The following NRG1 variants were observed in gnomAD, a reference collection of about 807,000 sequenced individuals.
The protein encoded by NRG1 is pro-neuregulin-1, membrane-bound isoform.
NRG1 carries 18 observed loss-of-function variants against 63.8 expected under a neutral mutation model. That is an observed-to-expected ratio of 0.28 (90% CI 0.19 to 0.42). The LOEUF (loss-of-function observed/expected upper bound fraction) is 0.42, where lower values mean the gene tolerates loss of function less well. Among genes scored for constraint, NRG1 ranks in the 10% least tolerant of loss-of-function variants. The pLI is 1.00. For missense variants in NRG1, 762 were observed against 814.7 expected (o/e 0.94, Z 0.79); for synonymous variants, 302 against 301.3 (o/e 1.00, Z -0.02).
intron 1 of NRG1, among the ~76,000 whole-genome samples, chr8:31,779,532 C>G (rs1819477848): frequency 6.6e-6 from 1 of 151,980 alleles, no homozygotes; most frequent in African/African-American, 2.4e-5. Context: ...GTTATTGAGC[C>G]AAAATTTCCA....
intron 1 of NRG1, among the ~76,000 whole-genome samples, chr8:31,838,378 A>G (rs1190808982): frequency 2.0e-5 from 3 of 151,954 alleles, no homozygotes; most frequent in Non-Finnish European, 4.4e-5. Flanking sequence ...TTGAAGAACT[A>G]TTCTCTCATT....
Position 32,112,740 on chromosome 8 carries a change from A to G in NRG1, c.37+473309A>G, listed in dbSNP as rs533395666. ...GTGGAGAATATGAGTGCCTCCCTCTATAAACTGGAGAAGATTTACCTGCAC... is the reference window on the plus strand; with the variant it reads ...GTGGAGAATATGAGTGCCTCCCTCTGTAAACTGGAGAAGATTTACCTGCAC... On this transcript the variant is annotated intron_variant, in intron 1 of 10. Transcript: ENST00000519301. Among the ~76,000 whole-genome samples the G allele has an allele frequency of 4.6e-5, 7 of 152,264 alleles. No individual in the cohort carries two copies. The South Asian group carries it at 1.5e-3, about 32-fold the overall frequency.
intron 1 of NRG1, among the ~76,000 whole-genome samples, chr8:32,567,838 A>G (rs977227490): frequency 2.2e-4 from 34 of 152,186 alleles, no homozygotes; most frequent in Non-Finnish European, 3.1e-4. Flanking sequence ...TCAATTGAAG[A>G]AATTGTTTTT....
At chr8:32,695,791 T>C (rs1189037476) in intron 5 of NRG1, among the ~76,000 whole-genome samples, 1 of 152,138 alleles carries the variant, frequency 6.6e-6, no homozygotes, top group Non-Finnish European at 1.5e-5. Flanking sequence ...CAAATGAGAG[T>C]ATTTAAAGAA....
intron 1 of NRG1, among the ~76,000 whole-genome samples, chr8:32,294,763 T>C (rs1353047527): frequency 6.6e-6 from 1 of 151,850 alleles, no homozygotes; most frequent in Non-Finnish European, 1.5e-5. Context: ...TTCTATTTCT[T>C]TGTAGATTTC....
intron 1 of NRG1, among the ~76,000 whole-genome samples, chr8:32,383,059 T>TA (rs56030067): frequency 0.015 from 1,888 of 126,462 alleles, 25 homozygotes; most frequent in Admixed American, 0.041. Flanking sequence ...TCGTCCCTAC[T>TA]AAAAAAAAAA....
At chr8:31,947,224 C>T (rs327362) in intron 1 of NRG1, among the ~76,000 whole-genome samples, 127,115 of 149,870 alleles carry the variant, frequency 0.85, 54,529 homozygotes, top group Non-Finnish European at 0.91. Flanking sequence ...GGCGTGAACC[C>T]GGGAAGCGGA....
At chr8:31,942,478 C>T (rs1801895918) in intron 1 of NRG1, among the ~76,000 whole-genome samples, 1 of 151,962 alleles carries the variant, frequency 6.6e-6, no homozygotes, top group Non-Finnish European at 1.5e-5. Flanking sequence ...TTGACTTAGG[C>T]AAAGACTTAA....
At chr8:32,337,970 AT>A (rs1803542183) in intron 1 of NRG1, among the ~76,000 whole-genome samples, 1 of 152,178 alleles carries the variant, frequency 6.6e-6, no homozygotes. Flanking sequence ...TTATACTTTA[AT>A]TATTTCTTTT....
At chr8:32,051,525 C>T (rs1440357543) in intron 1 of NRG1, among the ~76,000 whole-genome samples, 1 of 152,146 alleles carries the variant, frequency 6.6e-6, no homozygotes, top group Non-Finnish European at 1.5e-5. Flanking sequence ...AAAGGAGGGA[C>T]ATCTAACTCC....
chr8:32,054,749 A>C (rs1822563468), intron 1 of NRG1, among the ~76,000 whole-genome samples: 1 of 152,020 alleles, frequency 6.6e-6, no homozygotes, highest in South Asian at 2.1e-4. Context: ...AGTGTCACCA[A>C]CCCAGAGGCT....
chr8:32,771,739 T>C (rs1044634259), downstream of NRG1, among the ~76,000 whole-genome samples: 74 of 142,068 alleles, frequency 5.2e-4, no homozygotes, highest in African/African-American at 1.8e-3. Flanking sequence ...TATATATATA[T>C]AGGCCTGGCA....
chr8:32,288,243 T>C (rs921273385), intron 1 of NRG1, among the ~76,000 whole-genome samples: 3 of 152,156 alleles, frequency 2.0e-5, no homozygotes, highest in African/African-American at 4.8e-5. Context: ...TAAGAGTGAT[T>C]AGCAAGTTTA....
At chr8:32,383,803 T>G (rs932590532) in intron 1 of NRG1, among the ~76,000 whole-genome samples, 1 of 152,228 alleles carries the variant, frequency 6.6e-6, no homozygotes, top group Non-Finnish European at 1.5e-5. Flanking sequence ...AGATTCCAGG[T>G]TAGATGTCAG....
chr8:31,742,917 G>A (rs1029988045), intron 1 of NRG1, among the ~76,000 whole-genome samples: 2 of 151,928 alleles, frequency 1.3e-5, no homozygotes, highest in African/African-American at 4.8e-5. Context: ...GTAATGAGCT[G>A]GCAAGTGTTG....
At chr8:31,957,354 G>T (rs1398404048) in intron 1 of NRG1, among the ~76,000 whole-genome samples, 2 of 152,016 alleles carry the variant, frequency 1.3e-5, no homozygotes, top group Non-Finnish European at 2.9e-5. Flanking sequence ...TTAAAATGCA[G>T]TCCAGAAAAA....
intron 1 of NRG1, among the ~76,000 whole-genome samples, chr8:32,067,552 G>T (rs986838546): frequency 6.6e-6 from 1 of 152,072 alleles, no homozygotes; most frequent in Non-Finnish European, 1.5e-5. Flanking sequence ...CTTGATCACG[G>T]TGGATAAGCT....
intron 1 of NRG1, among the ~76,000 whole-genome samples, chr8:31,658,023 A>G (rs1805600364): frequency 6.6e-6 from 1 of 152,230 alleles, no homozygotes; most frequent in African/African-American, 2.4e-5. Context: ...GCCTATAGGT[A>G]GATGAGTGGG....
chr8:32,576,385 T>A (rs564300489), intron 1 of NRG1, among the ~76,000 whole-genome samples: 13 of 152,338 alleles, frequency 8.5e-5, no homozygotes, highest in Admixed American at 2.6e-4. Flanking sequence ...GGCTATTATT[T>A]TGAATATGAG....
Sources: allele counts gnomAD v4.1 joint callset (sites outside exome capture counted in the v4.1 genomes callset), GRCh38; gene constraint gnomAD v4.1.1; transcripts MANE v1.5; gene names NCBI Gene and HGNC (gene_info 2026-07-23, HGNC 2026-07-21).